TDRD6: variants seen among roughly 807,000 people sequenced by gnomAD.
TDRD6 encodes the protein tudor domain-containing protein 6.
A neutral mutation model predicts 157.5 loss-of-function variants in TDRD6; 186 were observed. That is an observed-to-expected ratio of 1.18 (90% CI 1.05 to 1.33). TDRD6 has a LOEUF of 1.33. TDRD6 is among the 40% of genes most tolerant of loss of function. The pLI, the probability that TDRD6 is intolerant of heterozygous loss-of-function variation, is 0.00. For missense variants in TDRD6, 3,066 were observed against 2,508.0 expected (o/e 1.22, Z -4.75); for synonymous variants, 1,075 against 945.2 (o/e 1.14, Z -2.52).
Position 46,693,913 on chromosome 6 carries a change from C to T in TDRD6, c.5785C>T (p.Gln1929Ter), listed in dbSNP as rs368426949. 7 of 1,614,042 alleles carry T rather than the reference C, an allele frequency of 4.3e-6. No homozygotes were observed. Among genetic ancestry groups the T allele is most frequent in the African/African-American group, 4.0e-5 (3 of 75,042 alleles). ...GGATCCTTTGTCTTTAGGAGTTAGT[C>T]AGAAAGCACAGGAATCCATGTGTAC... ...KMDPLSLGVS[Q>*]KAQESMCTED... Residue 1929 changes from glutamine (Q) to a stop codon, truncating the protein, a stop_gained, in exon 1 of 4, where the codon CAG becomes TAG. Transcript: ENST00000316081. LOFTEE classifies it high-confidence loss of function.
At position 46,698,662 on chromosome 6, in the gene TDRD6, G is replaced by C. The variant is rs1188891818; in HGVS notation, c.6261+575G>C. ...TTGAACTTCTCACTTCACAATCTTT[G>C]TCTGATAGTTTTAATATCTGGTCAT... On this transcript the variant is annotated intron_variant, in intron 3 of 3. Coordinates refer to ENST00000316081, the MANE Select transcript of TDRD6 (RefSeq NM_001010870.3). Among the ~76,000 whole-genome samples, 3 of 152,134 alleles carry C rather than the reference G, an allele frequency of 2.0e-5. No individual in the cohort carries two copies. In the East Asian group the frequency reaches 5.8e-4, roughly 29 times the overall value.
rs1318005718 is a variant in TDRD6, at chr6:46,695,816, G to T, written c.6047-5G>T. On this transcript the variant is annotated splice_region_variant and splice_polypyrimidine_tract_variant and intron_variant, in intron 1 of 3. Coordinates refer to ENST00000316081, the MANE Select transcript of TDRD6 (RefSeq NM_001010870.3). ...CATTGAGTCTTACTCAATTCAATTT[G>T]GCAGCTCAACTACAGAACACCTACA... 8 of 1,611,248 alleles carry T rather than the reference G, an allele frequency of 5.0e-6. No individual in the cohort carries two copies. The highest frequency in any genetic ancestry group is 6.8e-6 in the Non-Finnish European group (8 of 1,179,018).
chr6:46,691,924 C>T lies in TDRD6; in HGVS notation c.3796C>T (p.Pro1266Ser). The T allele has an allele frequency of 2.5e-6, 4 of 1,603,338 alleles. No individual in the cohort carries two copies. Among genetic ancestry groups the T allele is most frequent in the Admixed American group, 1.8e-5 (1 of 56,860 alleles). The part of the protein sequence containing the change: ...EKKEEISAET[P>S]LKTARVEATL... ...GAAAGAAGAAATTTCTGCTGAGACA[C>T]CCTTGAAAACAGCAAGAGTAGAAGC... Residue 1266 changes from proline to serine, a missense_variant, in exon 1 of 4, where the codon CCC becomes TCC. Pro to Ser is a moderately conservative substitution (Grantham distance 74). Coordinates refer to ENST00000316081, the MANE Select transcript of TDRD6 (RefSeq NM_001010870.3).
Position 46,692,865 on chromosome 6 carries a change from A to AG in TDRD6, c.4738dup (p.Glu1580GlyfsTer7). On this transcript the variant is annotated frameshift_variant, in exon 1 of 4. Transcript: ENST00000316081. LOFTEE classifies it high-confidence loss of function. Reference sequence around the variant, plus strand: ...GAGATCCTTGTATAGTAAGATACAGAGAAGATGGACATTATTATAGGGCAC... The same window carrying AG: ...GAGATCCTTGTATAGTAAGATACAGAGGAAGATGGACATTATTATAGGGCAC... 1.2e-6 allele frequency: 2 copies of AG among 1,614,134 alleles called. No homozygotes were observed.
chr6:46,689,675 T>A lies in TDRD6; in HGVS notation c.1547T>A (p.Leu516Gln). 4 of 1,614,224 alleles carry A rather than the reference T, an allele frequency of 2.5e-6. No individual in the cohort carries two copies. Among genetic ancestry groups the A allele is most frequent in the Non-Finnish European group, 2.5e-6 (3 of 1,180,034 alleles). The change falls in exon 1 of 4, where the codon CTG (leucine) becomes CAG (glutamine). Residue 516 changes from leucine (L) to glutamine (Q), a missense_variant. Leu to Gln is a moderately radical substitution (Grantham distance 113). Coordinates refer to ENST00000316081, the MANE Select transcript of TDRD6 (RefSeq NM_001010870.3). The part of the protein sequence containing the change: ...LRKHNVTFSK[L>Q]MRRMCGFYSS... Reference sequence around the variant, plus strand: ...AAACACAATGTCACCTTCAGTAAGCTGATGAGGAGAATGTGTGGTTTCTAT... The same window carrying A: ...AAACACAATGTCACCTTCAGTAAGCAGATGAGGAGAATGTGTGGTTTCTAT...
At position 46,690,024 on chromosome 6, in the gene TDRD6, T is replaced by A. The variant is rs754444572; in HGVS notation, c.1896T>A (p.His632Gln). ...KTVLHKELVI[H>Q]ILDKQDHQYV... ...TGCTCCACAAAGAATTAGTCATCCA[T>A]ATTCTTGATAAACAGGATCATCAAT... The change falls in exon 1 of 4, where the codon CAT (histidine) becomes CAA (glutamine). Residue 632 changes from histidine to glutamine, a missense_variant. Physicochemically the swap from His to Gln is conservative, Grantham distance 24 (BLOSUM62 0). Coordinates refer to ENST00000316081, the MANE Select transcript of TDRD6 (RefSeq NM_001010870.3). 6.2e-7 allele frequency: 1 copy of A among 1,614,048 alleles called. No individual in the cohort carries two copies. The highest frequency in any genetic ancestry group is 8.5e-7 in the Non-Finnish European group (1 of 1,179,968).
chr6:46,697,027 GC>G (rs1429706198), intron 2 of TDRD6, among the ~76,000 whole-genome samples: 5 of 151,992 alleles, frequency 3.3e-5, no homozygotes, highest in African/African-American at 1.2e-4. Context: ...AGAGCCCCTG[GC>G]CTGGAACATA....
chr6:46,697,119 A>G (rs141736634), intron 2 of TDRD6, among the ~76,000 whole-genome samples: 56 of 152,138 alleles, frequency 3.7e-4, no homozygotes, highest in African/African-American at 1.3e-3. Context: ...AATTCTTTAT[A>G]TTTTGTACTT....
the TDRD6 span, among the ~76,000 whole-genome samples, chr6:46,680,392 A>G: frequency 0.3 from 44,843 of 151,980 alleles, 6,778 homozygotes; most frequent in South Asian, 0.52. Flanking sequence ...TGTATACCTA[A>G]AGGGAGCCAT....
upstream of TDRD6, among the ~76,000 whole-genome samples, chr6:46,684,362 CATTTGTGT>C (rs1387273636): frequency 8.4e-4 from 97 of 115,160 alleles, no homozygotes; most frequent in African/African-American, 3.1e-3. Flanking sequence ...TATAAGCACA[CATTTGTGT>C]GTGTGTGTGT....
chr6:46,688,902 A>G lies in TDRD6; in HGVS notation c.774A>G (p.Gln258=). The G allele has an allele frequency of 1.2e-6, 2 of 1,607,432 alleles. No individual in the cohort carries two copies. The highest frequency in any genetic ancestry group is 8.5e-7 in the Non-Finnish European group (1 of 1,175,762). ...LGVTEAVVIT[Q]VCHPHRIHCQ... ...TGACGGAGGCCGTGGTCATAACCCAAGTGTGCCATCCCCACCGCATTCACT... is the reference window on the plus strand; with the variant it reads ...TGACGGAGGCCGTGGTCATAACCCAGGTGTGCCATCCCCACCGCATTCACT... Residue 258 remains glutamine, a synonymous_variant, in exon 1 of 4, where the codon CAA becomes CAG. Transcript: ENST00000316081.
Position 46,692,072 on chromosome 6 carries a change from A to G in TDRD6, c.3944A>G (p.Asn1315Ser). Residue 1315 changes from asparagine (N) to serine (S), a missense_variant, in exon 1 of 4, where the codon AAT becomes AGT. Transcript: ENST00000316081. ...ACAACTGTATATGTTTCTCATATAA[A>G]TGACCTTTCAGACTTTTATGTTCAA... is the stretch of plus-strand genomic sequence containing the variant. ...FKTTVYVSHI[N>S]DLSDFYVQLI... 1 of 1,612,930 alleles carries G rather than the reference A, an allele frequency of 6.2e-7. No homozygotes were observed. Among genetic ancestry groups the G allele is most frequent in the Non-Finnish European group, 8.5e-7 (1 of 1,179,564 alleles).
Position 46,693,753 on chromosome 6 carries a change from T to A in TDRD6, c.5625T>A (p.Asn1875Lys). 1 of 1,614,226 alleles carries A rather than the reference T, an allele frequency of 6.2e-7. No individual in the cohort carries two copies. The highest frequency in any genetic ancestry group is 2.2e-5 in the East Asian group (1 of 44,880). ...GGGAGCTAAGCCCGGTGCCACCGAATGTGCCACTCTCCCAAGAGTGTGTCA... is the reference window on the plus strand; with the variant it reads ...GGGAGCTAAGCCCGGTGCCACCGAAAGTGCCACTCTCCCAAGAGTGTGTCA... ...EKGELSPVPPNVPLSQECVTK... is the reference protein window; with the variant it reads ...EKGELSPVPPKVPLSQECVTK... Residue 1875 changes from asparagine (N) to lysine (K), a missense_variant, in exon 1 of 4, where the codon AAT becomes AAA. Transcript: ENST00000316081.
Position 46,692,216 on chromosome 6 carries a change from T to A in TDRD6, c.4088T>A (p.Phe1363Tyr). The part of the protein sequence containing the change: ...LQRGDMICAV[F>Y]PEDNLWYRAV... ...AGAGGAGATATGATATGTGCTGTTT[T>A]CCCAGAAGATAATTTATGGTATCGT... is the stretch of plus-strand genomic sequence containing the variant. The change falls in exon 1 of 4, where the codon TTC becomes TAC. Residue 1363 changes from phenylalanine to tyrosine, a missense_variant. Phe to Tyr is a conservative substitution (Grantham distance 22). Coordinates refer to ENST00000316081, the MANE Select transcript of TDRD6 (RefSeq NM_001010870.3). 1 of 1,614,116 alleles carries A rather than the reference T, an allele frequency of 6.2e-7. No individual in the cohort carries two copies. Among genetic ancestry groups the A allele is most frequent in the Non-Finnish European group, 8.5e-7 (1 of 1,179,990 alleles).
At chr6:46,694,951 G>T (rs964853955) in intron 1 of TDRD6, among the ~76,000 whole-genome samples, 1 of 152,016 alleles carries the variant, frequency 6.6e-6, no homozygotes, top group Non-Finnish European at 1.5e-5. Context: ...AATAGATTTA[G>T]GTAGCCTATA....
chr6:46,696,175 A>G (rs957931574), intron 2 of TDRD6, among the ~76,000 whole-genome samples: 4 of 151,984 alleles, frequency 2.6e-5, no homozygotes, highest in Middle Eastern at 3.4e-3. Context: ...AAATGCTATT[A>G]GTCACCTAGT....
In TDRD6 at chr6:46,689,356, G is replaced by A. The variant is rs758656255; in HGVS notation, c.1228G>A (p.Glu410Lys). 5.0e-6 allele frequency: 8 copies of A among 1,614,084 alleles called. No individual in the cohort carries two copies. Among genetic ancestry groups the A allele is most frequent in the Non-Finnish European group, 6.8e-6 (8 of 1,180,040 alleles). The change falls in exon 1 of 4, where the codon GAA becomes AAA. Residue 410 changes from glutamate to lysine, a missense_variant. By Grantham distance (56) the Glu-to-Lys change is moderately conservative. Transcript: ENST00000316081. ...AGGCAAGGCAGTGAATGCAAAGATT[G>A]AATTTTATTGCTCCTTTGAGCATGT... is the stretch of plus-strand genomic sequence containing the variant. The part of the protein sequence containing the change: ...ILGKAVNAKI[E>K]FYCSFEHVYY...
chr6:46,688,749 G>A lies in TDRD6; in HGVS notation c.621G>A (p.Ser207=), dbSNP rs1427803319. The change falls in exon 1 of 4, where the codon TCG becomes TCA. Residue 207 remains serine (S), a synonymous_variant. Transcript: ENST00000316081. ...GGGTGCCCGACAGCCTCTTCCGTTC[G>A]CTGCTGGAGCGCTATCTCACAGCGG... ...ARRVPDSLFR[S]LLERYLTAAT... 3 of 1,602,372 alleles carry A rather than the reference G, an allele frequency of 1.9e-6. No individual in the cohort carries two copies. The highest frequency in any genetic ancestry group is 1.3e-5 in the African/African-American group (1 of 74,910).
chr6:46,692,179 C>T lies in TDRD6; in HGVS notation c.4051C>T (p.Pro1351Ser). Residue 1351 changes from proline to serine, a missense_variant, in exon 1 of 4, where the codon CCA becomes TCA. Transcript: ENST00000316081. ...AACAAGGCCCGAATATTATGTAGGT[C>T]CACCTTTGCAAAGAGGAGATATGAT... is the stretch of plus-strand genomic sequence containing the variant. ...VKTRPEYYVGPPLQRGDMICA... is the reference protein window; with the variant it reads ...VKTRPEYYVGSPLQRGDMICA... 6.2e-7 allele frequency: 1 copy of T among 1,614,076 alleles called. No homozygotes were observed. The highest frequency in any genetic ancestry group is 1.1e-5 in the South Asian group (1 of 91,066).
Sources: gnomAD v4.1 joint callset for allele counts (sites outside exome capture counted in the v4.1 genomes callset) on GRCh38, gnomAD v4.1.1 for gene constraint, MANE v1.5 for transcripts, NCBI Gene and HGNC (gene_info 2026-07-23, HGNC 2026-07-21) for gene names.